ACSM1: variants seen among roughly 807,000 people sequenced by gnomAD.
ACSM1 encodes acyl-coenzyme A synthetase ACSM1, mitochondrial.
ACSM1 carries 79 observed loss-of-function variants against 75.8 expected under a neutral mutation model. The observed-to-expected ratio is 1.04, with a 90% CI of 0.87 to 1.26. ACSM1 has a LOEUF of 1.26. ACSM1 is among the 50% of genes most tolerant of loss of function. The pLI is 0.00. For synonymous variants in ACSM1, 279 were observed against 265.8 expected (o/e 1.05, Z -0.48); for missense variants, 676 against 720.1 (o/e 0.94, Z 0.70).
chr16:20,673,598 C>A (rs1051314571), intron 4 of ACSM1, among the ~76,000 whole-genome samples: 55 of 152,216 alleles, frequency 3.6e-4, no homozygotes, highest in African/African-American at 1.2e-3. Flanking sequence ...CAGAAGGGGC[C>A]TTTCTTATCT....
rs759656150 is a variant in ACSM1 at position 20,691,151 on chromosome 16, A to C, written c.38T>G (p.Ile13Ser). The C allele has an allele frequency of 6.2e-7, 1 of 1,611,984 alleles. No individual in the cohort carries two copies. Among genetic ancestry groups the C allele is most frequent in the South Asian group, 1.1e-5 (1 of 90,544 alleles). The change falls in exon 2 of 14, where the codon ATC (isoleucine) becomes AGC (serine). Residue 13 changes from isoleucine to serine, a missense_variant. Physicochemically the swap from Ile to Ser is moderately radical, Grantham distance 142. Transcript: ENST00000520010. ...GTGGATGTTGTGGAAGGATTTGTGG[A>C]TGCCCCAGAGGGTCCGGAACCTCAT... The part of the protein sequence containing the change: ...WLMRFRTLWG[I>S]HKSFHNIHPA...
chr16:20,643,098 G>A (rs1465175808), intron 7 of ACSM1, among the ~76,000 whole-genome samples: 1 of 152,138 alleles, frequency 6.6e-6, no homozygotes, highest in African/African-American at 2.4e-5. Context: ...GTTGACCCTT[G>A]GCTCAGCCCA....
At chr16:20,662,800 T>A (rs1327957308) in intron 6 of ACSM1, among the ~76,000 whole-genome samples, 1 of 152,144 alleles carries the variant, frequency 6.6e-6, no homozygotes, top group East Asian at 1.9e-4. Flanking sequence ...TATATGCTTT[T>A]AAAATTTTTG....
chr16:20,647,168 G>A (rs533271663), intron 7 of ACSM1, among the ~76,000 whole-genome samples: 15 of 152,284 alleles, frequency 9.9e-5, no homozygotes, highest in African/African-American at 3.4e-4. Flanking sequence ...TGGAGGTGAG[G>A]GTATGCTTGT....
intron 10 of ACSM1, among the ~76,000 whole-genome samples, chr16:20,631,918 C>T (rs1213805880): frequency 6.6e-6 from 1 of 152,148 alleles, no homozygotes; most frequent in African/African-American, 2.4e-5. Context: ...GTGATGGATG[C>T]ACTAAAATTT....
chr16:20,640,043 G>C (rs1169512419), intron 8 of ACSM1, among the ~76,000 whole-genome samples: 2 of 152,294 alleles, frequency 1.3e-5, no homozygotes, highest in South Asian at 4.1e-4. Context: ...GACATTTATA[G>C]CTCATCTTCA....
intron 2 of ACSM1, among the ~76,000 whole-genome samples, chr16:20,686,347 T>C (rs1230422222): frequency 2.0e-5 from 3 of 152,084 alleles, no homozygotes; most frequent in Non-Finnish European, 2.9e-5. Context: ...AATAGCTTCA[T>C]GGGAGGTCTA....
At chr16:20,639,577 T>C (rs1232553864) in intron 8 of ACSM1, among the ~76,000 whole-genome samples, 1 of 152,136 alleles carries the variant, frequency 6.6e-6, no homozygotes, top group Non-Finnish European at 1.5e-5. Flanking sequence ...AGACCCCTTT[T>C]TAAGGTTTTG....
At chr16:20,678,890 TC>T (rs1567304110) in intron 4 of ACSM1, among the ~76,000 whole-genome samples, 1 of 151,822 alleles carries the variant, frequency 6.6e-6, no homozygotes, top group Non-Finnish European at 1.5e-5. Flanking sequence ...AACTGGGTAT[TC>T]CCCCTCTGAG....
intron 7 of ACSM1, among the ~76,000 whole-genome samples, chr16:20,659,657 T>C (rs1421992759): frequency 1.3e-5 from 2 of 152,210 alleles, no homozygotes; most frequent in Non-Finnish European, 2.9e-5. Context: ...GTCCACATTC[T>C]ATAGAGAATC....
intron 10 of ACSM1, among the ~76,000 whole-genome samples, chr16:20,634,440 C>T (rs1379019594): frequency 6.6e-6 from 1 of 152,102 alleles, no homozygotes; most frequent in South Asian, 2.1e-4. Flanking sequence ...GTGGAAATAA[C>T]CAAAATGTCC....
intron 12 of ACSM1, 129 bp downstream of exon 12, chr16:20,625,294 A>T: frequency 2.4e-6 from 2 of 833,926 alleles, no homozygotes; most frequent in Non-Finnish European, 3.8e-6. Context: ...CCCTGGTGCC[A>T]TACCGTGTAA....
chr16:20,689,866 T>C (rs184406772), intron 2 of ACSM1, among the ~76,000 whole-genome samples: 1 of 152,312 alleles, frequency 6.6e-6, no homozygotes, highest in African/African-American at 2.4e-5. Context: ...AATAATGGAT[T>C]GTGAAATCAG....
chr16:20,682,138 TG>T, intron 4 of ACSM1, 117 bp downstream of exon 4: 2 of 944,018 alleles, frequency 2.1e-6, no homozygotes, highest in Non-Finnish European at 3.1e-6. Context: ...TTAATCTGAC[TG>T]GGCTGGTGCA....
At chr16:20,662,075 C>T (rs551674375) in intron 6 of ACSM1, among the ~76,000 whole-genome samples, 3 of 152,238 alleles carry the variant, frequency 2.0e-5, no homozygotes, top group Admixed American at 6.5e-5. Flanking sequence ...ACGCAGATAA[C>T]GTTCCAACTC....
chr16:20,660,540 T>A (rs2019242767), intron 7 of ACSM1, among the ~76,000 whole-genome samples: 1 of 152,166 alleles, frequency 6.6e-6, no homozygotes, highest in African/African-American at 2.4e-5. Context: ...TGATAAGATG[T>A]GTGCCAAGTT....
intron 4 of ACSM1, 117 bp downstream of exon 4, chr16:20,682,139 G>T: frequency 1.1e-6 from 1 of 947,310 alleles, no homozygotes; most frequent in Non-Finnish European, 1.6e-6. Flanking sequence ...TAATCTGACT[G>T]GGCTGGTGCA....
At chr16:20,638,437 A>C (rs1001043547) in intron 8 of ACSM1, among the ~76,000 whole-genome samples, 6 of 152,318 alleles carry the variant, frequency 3.9e-5, no homozygotes, top group East Asian at 1.9e-4. Context: ...TGTTTCCTTC[A>C]GTAGATAATG....
At chr16:20,639,077 C>T (rs761286946) in intron 8 of ACSM1, among the ~76,000 whole-genome samples, 1 of 152,106 alleles carries the variant, frequency 6.6e-6, no homozygotes, top group Non-Finnish European at 1.5e-5. Flanking sequence ...TGCACAGGGC[C>T]TGGGATAGCA....
Sources: allele counts gnomAD v4.1 joint callset (sites outside exome capture counted in the v4.1 genomes callset), GRCh38; gene constraint gnomAD v4.1.1; transcripts MANE v1.5; gene names NCBI Gene and HGNC (gene_info 2026-07-23, HGNC 2026-07-21).